The following ATP6V0A4 variants were observed in gnomAD, a reference collection of about 807,000 sequenced individuals.
ATP6V0A4 encodes the protein ATPase H+ transporting V0 subunit a4, also known as V-type proton ATPase 116 kDa subunit a 4.
In ATP6V0A4, 86 loss-of-function variants were observed where a neutral mutation model predicts 107.3. The observed-to-expected ratio is 0.80, with a 90% CI of 0.67 to 0.96. ATP6V0A4 has a LOEUF of 0.96. Among genes scored for constraint, ATP6V0A4 ranks in the 40% least tolerant of loss-of-function variants. ATP6V0A4 has a pLI of 0.00. For synonymous variants in ATP6V0A4, 353 were observed against 381.4 expected (o/e 0.93, Z 0.87); for missense variants, 908 against 1,045.6 (o/e 0.87, Z 1.81).
chr7:138,710,427 T>C (rs1325392138), intron 20 of ATP6V0A4, among the ~76,000 whole-genome samples: 7 of 151,968 alleles, frequency 4.6e-5, no homozygotes, highest in Non-Finnish European at 5.9e-5. Context: ...CTTGACCTCA[T>C]AATCCACCCG....
rs576273755 is a variant in ATP6V0A4, at chr7:138,757,281, T to G, written c.640-741A>C. ...CTGTAATCCCAGCACTTTGGGAGGC[T>G]AAGGCGGGTGGATGGCTTGAGCCCA... On this transcript the variant is annotated intron_variant, in intron 8 of 21. Coordinates refer to ENST00000310018, the MANE Select transcript of ATP6V0A4 (RefSeq NM_020632.3). 2.3e-4 allele frequency among the ~76,000 whole-genome samples: 35 copies of G among 152,226 alleles called. 1 individual carries two copies. In the South Asian group the frequency reaches 5.8e-3, roughly 25 times the overall value.
chr7:138,782,278 A>G (rs1807961065), intron 2 of ATP6V0A4, among the ~76,000 whole-genome samples: 1 of 152,040 alleles, frequency 6.6e-6, no homozygotes, highest in Non-Finnish European at 1.5e-5. Flanking sequence ...GAGAAGCATC[A>G]CTCCAATCTA....
Position 138,755,782 on chromosome 7 carries a change from C to A in ATP6V0A4, c.723G>T (p.Gly241=). The change falls in exon 10 of 22, where the codon GGG becomes GGT. Residue 241 remains glycine, a splice_region_variant and synonymous_variant. Coordinates refer to ENST00000310018, the MANE Select transcript of ATP6V0A4 (RefSeq NM_020632.3). ...LRQKIKKICD[G]FRATVYPCPE... ...GGCAAGGGTAGACAGTGGCTCGAAA[C>A]CTGTGTTTAATATATTCCAAAGGAA... is the stretch of plus-strand genomic sequence containing the variant. 1 of 1,612,636 alleles carries A rather than the reference C, an allele frequency of 6.2e-7. No homozygotes were observed. Among genetic ancestry groups the A allele is most frequent in the Non-Finnish European group, 8.5e-7 (1 of 1,179,994 alleles).
chr7:138,708,252 G>A (rs971118676), intron 21 of ATP6V0A4, among the ~76,000 whole-genome samples: 7 of 151,920 alleles, frequency 4.6e-5, no homozygotes, highest in South Asian at 2.1e-4. Flanking sequence ...GTTTCTCCAC[G>A]TCGATCAGGT....
At chr7:138,713,376 G>A (rs1422303543) in intron 20 of ATP6V0A4, among the ~76,000 whole-genome samples, 2 of 151,842 alleles carry the variant, frequency 1.3e-5, no homozygotes, top group Admixed American at 1.3e-4. Flanking sequence ...GCATGTGAAA[G>A]TGTGTGTATG....
chr7:138,726,005 T>TTTA (rs1804694295), intron 18 of ATP6V0A4, among the ~76,000 whole-genome samples: 1 of 114,708 alleles, frequency 8.7e-6, no homozygotes, highest in East Asian at 2.7e-4. Flanking sequence ...TTATTTATTT[T>TTTA]TTGAGACAGA....
chr7:138,797,581 A>G (rs950428660), intron 1 of ATP6V0A4, among the ~76,000 whole-genome samples: 2 of 151,912 alleles, frequency 1.3e-5, no homozygotes, highest in Non-Finnish European at 2.9e-5. Flanking sequence ...TGAAACCCAC[A>G]GTGCTTTATC....
chr7:138,749,377 G>A lies in ATP6V0A4; in HGVS notation c.1030-60C>T. 3.8e-6 allele frequency: 6 copies of A among 1,587,252 alleles called. No homozygotes were observed. In the South Asian group the frequency reaches 5.6e-5, roughly 15 times the overall value. On this transcript the variant is annotated intron_variant, in intron 11 of 21. Coordinates refer to ENST00000310018, the MANE Select transcript of ATP6V0A4 (RefSeq NM_020632.3). ...GAGAAGAGTCTTGGGCTGGGTGTCA[G>A]CACAAAGGTCACAGTCCCAGCTCCT... is the stretch of plus-strand genomic sequence containing the variant.
intron 19 of ATP6V0A4, among the ~76,000 whole-genome samples, chr7:138,721,009 T>C (rs996335755): frequency 6.6e-6 from 1 of 152,190 alleles, no homozygotes; most frequent in African/African-American, 2.4e-5. Context: ...GTGGCCCTCA[T>C]GGAAACCCAG....
At chr7:138,738,432 A>T (rs952367926) in intron 15 of ATP6V0A4, among the ~76,000 whole-genome samples, 3 of 152,172 alleles carry the variant, frequency 2.0e-5, no homozygotes, top group Non-Finnish European at 4.4e-5. Context: ...CAAACAAAGG[A>T]AGATCAACCA....
intron 21 of ATP6V0A4, among the ~76,000 whole-genome samples, chr7:138,706,998 A>C: frequency 7.4e-6 from 1 of 135,878 alleles, no homozygotes; most frequent in Non-Finnish European, 1.5e-5. Context: ...GGTTCAAGAG[A>C]GATTCTCCTG....
At chr7:138,766,229 GT>G (rs1807086054) in intron 5 of ATP6V0A4, among the ~76,000 whole-genome samples, 1 of 141,946 alleles carries the variant, frequency 7.0e-6, no homozygotes, top group African/African-American at 2.6e-5. Flanking sequence ...TGGAAACACA[GT>G]CTTGCTCTGT....
At chr7:138,789,586 T>A (rs1204614158) in intron 1 of ATP6V0A4, among the ~76,000 whole-genome samples, 1 of 151,936 alleles carries the variant, frequency 6.6e-6, no homozygotes, top group African/African-American at 2.4e-5. Flanking sequence ...TCCCTGATAT[T>A]GAACATTTTT....
chr7:138,709,588 C>T (rs760832092), intron 21 of ATP6V0A4, 36 bp downstream of exon 21: 1 of 1,603,076 alleles, frequency 6.2e-7, no homozygotes, highest in East Asian at 2.2e-5. Context: ...CCTTTCCCAA[C>T]ACCACATTGA....
intron 14 of ATP6V0A4, among the ~76,000 whole-genome samples, chr7:138,742,594 G>A (rs75143795): frequency 0.03 from 4,569 of 152,106 alleles, 198 homozygotes; most frequent in East Asian, 0.11. Context: ...GTGCCATCAC[G>A]GTTCATTGCA....
intron 2 of ATP6V0A4, among the ~76,000 whole-genome samples, chr7:138,781,521 G>A (rs1163090150): frequency 1.3e-5 from 2 of 152,014 alleles, no homozygotes; most frequent in Non-Finnish European, 2.9e-5. Flanking sequence ...TAGTAGACAC[G>A]GGGTTTCACC....
intron 18 of ATP6V0A4, 121 bp downstream of exon 18, chr7:138,728,640 C>A (rs766904950): frequency 1.4e-6 from 2 of 1,397,180 alleles, no homozygotes; most frequent in East Asian, 4.6e-5. Context: ...CGGGTCAGTT[C>A]CTCAACACCA....
chr7:138,760,490 AT>A (rs952639121), intron 7 of ATP6V0A4, among the ~76,000 whole-genome samples: 11 of 151,516 alleles, frequency 7.3e-5, no homozygotes, highest in Non-Finnish European at 1.0e-4. Context: ...TTCATCATGC[AT>A]TGTAGCTAAT....
chr7:138,733,226 C>T (rs1202672545), intron 16 of ATP6V0A4, 133 bp from the exon 17 acceptor site: 2 of 1,387,280 alleles, frequency 1.4e-6, no homozygotes, highest in African/African-American at 1.6e-5. Context: ...AACAACGGCA[C>T]CCCCCACCCC....
Sources: allele counts gnomAD v4.1 joint callset (sites outside exome capture counted in the v4.1 genomes callset), GRCh38; gene constraint gnomAD v4.1.1; transcripts MANE v1.5; gene names NCBI Gene and HGNC (gene_info 2026-07-23, HGNC 2026-07-21).